HFM1: variants seen among roughly 807,000 people sequenced by gnomAD.
HFM1 encodes helicase for meiosis 1.
HFM1 carries 169 observed loss-of-function variants against 192.1 expected under a neutral mutation model. That is an observed-to-expected ratio of 0.88 (90% CI 0.78 to 1.00). HFM1 has a LOEUF of 1.00. Ranked by LOEUF, HFM1 falls within the 50% of genes least tolerant of loss-of-function variation. The probability of loss-of-function intolerance (pLI) is 0.00; values close to 1 mark genes in which losing one functional copy is unlikely to be tolerated. For missense variants in HFM1, 1,661 were observed against 1,668.0 expected, an observed-to-expected ratio of 1.00 and a Z score of 0.07; for synonymous variants, 525 against 537.8, an observed-to-expected ratio of 0.98 and a Z score of 0.33.
intron 13 of HFM1, among the ~76,000 whole-genome samples, chr1:91,366,585 A>C (rs933574620): frequency 2.0e-5 from 3 of 152,236 alleles, no homozygotes; most frequent in African/African-American, 7.2e-5. Flanking sequence ...GAACTGGTCA[A>C]TGTTTTTGAA....
At chr1:91,378,214 C>T (rs372672395) in intron 10 of HFM1, 31 bp from the exon 11 acceptor site, 278 of 1,497,866 alleles carry the variant, frequency 1.9e-4, no homozygotes, top group Non-Finnish European at 2.3e-4. Context: ...AAATCATTAG[C>T]TATAGAATTA....
Position 91,378,119 on chromosome 1 carries a change from G to A in HFM1, c.1301C>T (p.Thr434Ile). The change falls in exon 11 of 39, where the codon ACT (threonine) becomes ATT (isoleucine). Residue 434 changes from threonine to isoleucine, a missense_variant. Thr to Ile is a moderately conservative substitution (Grantham distance 89). Transcript: ENST00000370425. Reference sequence around the variant, plus strand: ...TAAAGTCTGAGAAACAGACTGTACAGTTTTCATTCTGCTAACTACAACTTC... The same window carrying A: ...TAAAGTCTGAGAAACAGACTGTACAATTTTCATTCTGCTAACTACAACTTC... ...TLEVVVSRMK[T>I]VQSVSQTLKN... 1 of 1,610,654 alleles carries A rather than the reference G, an allele frequency of 6.2e-7. No individual in the cohort carries two copies. The highest frequency in any genetic ancestry group is 8.5e-7 in the Non-Finnish European group (1 of 1,177,886).
chr1:91,382,550 G>A (rs79054738), intron 6 of HFM1, among the ~76,000 whole-genome samples: 4,504 of 152,228 alleles, frequency 0.03, 239 homozygotes, highest in African/African-American at 0.1. Context: ...ACTTTCTGAT[G>A]TGCAAAGTGT....
chr1:91,347,006 C>T (rs1341183874), intron 19 of HFM1, among the ~76,000 whole-genome samples: 1 of 152,020 alleles, frequency 6.6e-6, no homozygotes, highest in Non-Finnish European at 1.5e-5. Flanking sequence ...CCTATAGTCC[C>T]AGCTACTCAG....
rs139392675 is a variant in HFM1, at chr1:91,300,661, T to G, written c.3391+12688A>C. Reference sequence around the variant, plus strand: ...AAATCAATAAACTTAATCCAGCATATAAACAGAATCAACAACAAAAACCAC... The same window carrying G: ...AAATCAATAAACTTAATCCAGCATAGAAACAGAATCAACAACAAAAACCAC... On this transcript the variant is annotated intron_variant, in intron 30 of 38. Transcript: ENST00000370425. 3.9e-4 allele frequency among the ~76,000 whole-genome samples: 60 copies of G among 152,288 alleles called. No individual in the cohort carries two copies. The East Asian group carries it at 0.011, about 29-fold the overall frequency.
intron 32 of HFM1, among the ~76,000 whole-genome samples, chr1:91,276,245 C>A (rs281961): frequency 1 from 152,095 of 152,276 alleles, 75,957 homozygotes; most frequent in Non-Finnish European, 1. Context: ...GATTGAGTAC[C>A]TTTTCTGTCT....
In HFM1 at chr1:91,261,348, G is replaced by C; in HGVS notation, c.4250C>G (p.Pro1417Arg). The change falls in exon 39 of 39, where the codon CCT (proline) becomes CGT (arginine). Residue 1417 changes from proline (P) to arginine (R), a missense_variant. Transcript: ENST00000370425. The stretch of plus-strand genomic sequence containing the variant: ...CTTCATTTCATCAGCTTCATCATCA[G>C]GATGATACATACTGGGAGAAAGAAG... Reference protein sequence around the residue: ...KKEVDFSMYHPDDEADEMKSL... With the variant: ...KKEVDFSMYHRDDEADEMKSL... The C allele has an allele frequency of 7.1e-7, 1 of 1,402,088 alleles. No homozygotes were observed. Among genetic ancestry groups the C allele is most frequent in the Non-Finnish European group, 9.4e-7 (1 of 1,063,430 alleles). 86.9% of individuals were successfully genotyped at this position (1,402,088 alleles called of 1,614,324 possible).
At chr1:91,299,344 C>A (rs1042428185) in intron 30 of HFM1, among the ~76,000 whole-genome samples, 3 of 152,150 alleles carry the variant, frequency 2.0e-5, no homozygotes, top group Non-Finnish European at 2.9e-5. Context: ...GGGAGACTTT[C>A]ACACCCCACT....
chr1:91,346,368 C>T (rs1428085070), intron 19 of HFM1, among the ~76,000 whole-genome samples: 1 of 152,148 alleles, frequency 6.6e-6, no homozygotes, highest in Non-Finnish European at 1.5e-5. Flanking sequence ...AATTCCATTA[C>T]AAAATTTATC....
chr1:91,353,285 G>A lies in HFM1; in HGVS notation c.1700C>T (p.Ala567Val), dbSNP rs1465007223. ...VEQKQRLQKY[A>V]YSVRDSKLRD... ...CAGTTTTGAATCTCTTACGGAATAT[G>A]CATACTTCTGTAACCTATTTAAAAA... Residue 567 changes from alanine to valine, a missense_variant, in exon 14 of 39, where the codon GCA (alanine) becomes GTA (valine). Coordinates refer to ENST00000370425, the MANE Select transcript of HFM1 (RefSeq NM_001017975.6). 1.3e-6 allele frequency: 2 copies of A among 1,565,368 alleles called. No individual in the cohort carries two copies. The highest frequency in any genetic ancestry group is 2.2e-5 in the South Asian group (2 of 88,898).
chr1:91,407,321 C>A (rs1046407036), upstream of HFM1, among the ~76,000 whole-genome samples: 1 of 151,654 alleles, frequency 6.6e-6, no homozygotes, highest in Non-Finnish European at 1.5e-5. Flanking sequence ...CAAACCTGCA[C>A]GTTGTGCACA....
chr1:91,398,567 C>T (rs1193498456), intron 2 of HFM1, among the ~76,000 whole-genome samples: 1 of 152,184 alleles, frequency 6.6e-6, no homozygotes, highest in African/African-American at 2.4e-5. Context: ...TCAAAGATTG[C>T]CAAACTTCCT....
Position 91,378,404 on chromosome 1 carries a change from T to G in HFM1, c.1235A>C (p.Glu412Ala). The change falls in exon 10 of 39, where the codon GAG (glutamate) becomes GCG (alanine). Residue 412 changes from glutamate to alanine, a missense_variant and splice_region_variant. By Grantham distance (107) the Glu-to-Ala change is moderately radical (BLOSUM62 -1). Transcript: ENST00000370425. The stretch of plus-strand genomic sequence containing the variant: ...TCTGAAAGCGAATGCATTCATTACC[T>G]CATCAATGAGAAACAGTCGAACCAG... ...VQLVRLFLID[E>A]VHIVKDENRG... is the part of the protein sequence containing the mutation. 1.3e-6 allele frequency: 2 copies of G among 1,589,920 alleles called. No individual in the cohort carries two copies. The highest frequency in any genetic ancestry group is 1.7e-6 in the Non-Finnish European group (2 of 1,160,478).
chr1:91,385,912 G>T, intron 4 of HFM1, 78 bp from the exon 5 acceptor site: 2 of 1,266,166 alleles, frequency 1.6e-6, no homozygotes, highest in Non-Finnish European at 2.2e-6. Context: ...CATAAAATTG[G>T]CCCCCTTAAA....
At chr1:91,329,565 C>T in intron 20 of HFM1, 1 of 1,294,122 alleles carries the variant, frequency 7.7e-7, no homozygotes, top group Non-Finnish European at 1.1e-6. Context: ...TATTTGCCCT[C>T]TTGTACCCTT....
rs1661405609 is a variant in HFM1, at chr1:91,380,315, T to C, written c.874-79A>G. The C allele has an allele frequency of 3.3e-6, 3 of 915,036 alleles. No individual in the cohort carries two copies. In the African/African-American group the frequency reaches 5.2e-5, roughly 16 times the overall value. The allele number at this position is 915,036 out of a possible 1,614,324, so 56.7% of individuals were successfully genotyped here. A position where few individuals can be genotyped will look rare whatever the true frequency, so the allele number is the denominator to read the frequency against. On this transcript the variant is annotated intron_variant, in intron 7 of 38. Transcript: ENST00000370425. Reference sequence around the variant, plus strand: ...TCTCAATTTGTTAAAAAAAAAGTCTTAGTAAGAATCTAAGGAATAATAGTT... The same window carrying C: ...TCTCAATTTGTTAAAAAAAAAGTCTCAGTAAGAATCTAAGGAATAATAGTT...
In HFM1 at chr1:91,401,071, T is replaced by C; in HGVS notation, c.12A>G (p.Ser4=). Residue 4 remains serine, a synonymous_variant, in exon 2 of 39, where the codon TCA becomes TCG. Coordinates refer to ENST00000370425, the MANE Select transcript of HFM1 (RefSeq NM_001017975.6). ...TTTCCAAAGAAAACAGGCAATCATT[T>C]GATTTCAGCATTGTTGAAAACTGGA... MLK[S]NDCLFSLENL... 1 of 1,551,662 alleles carries C rather than the reference T, an allele frequency of 6.4e-7. No homozygotes were observed. The highest frequency in any genetic ancestry group is 8.7e-7 in the Non-Finnish European group (1 of 1,152,604).
At chr1:91,291,386 C>T (rs1272402689) in intron 30 of HFM1, among the ~76,000 whole-genome samples, 3 of 152,140 alleles carry the variant, frequency 2.0e-5, no homozygotes, top group Admixed American at 2.0e-4. Context: ...ACCGATCCCA[C>T]AGAAATACAA....
At chr1:91,331,369 A>C (rs547937315) in intron 20 of HFM1, among the ~76,000 whole-genome samples, 1 of 152,356 alleles carries the variant, frequency 6.6e-6, no homozygotes, top group Admixed American at 6.5e-5. Context: ...ATCCATTTAT[A>C]ATAGCCACAA....
Sources: gnomAD v4.1 joint callset for allele counts (sites outside exome capture counted in the v4.1 genomes callset) on GRCh38, gnomAD v4.1.1 for gene constraint, MANE v1.5 for transcripts, NCBI Gene and HGNC (gene_info 2026-07-23, HGNC 2026-07-21) for gene names.